AKAP19: variants seen among roughly 807,000 people sequenced by gnomAD.
AKAP19 encodes A-kinase anchoring protein 19, also known as small A-kinase anchoring protein.
At chr2:190,062,690 A>G in the AKAP19 span, 415 of 1,229,828 alleles carry the variant, frequency 3.4e-4, 1 homozygote, top group Non-Finnish European at 4.5e-4. Flanking sequence ...ATTTTAATGC[A>G]TGTACAGTCT....
the AKAP19 span, among the ~76,000 whole-genome samples, chr2:190,050,719 C>G: frequency 6.6e-6 from 1 of 152,162 alleles, no homozygotes; most frequent in Non-Finnish European, 1.5e-5. Context: ...TAGAGCCAGT[C>G]AGTCAGAATC....
the AKAP19 span, among the ~76,000 whole-genome samples, chr2:190,071,259 G>A: frequency 5.9e-5 from 9 of 152,124 alleles, no homozygotes; most frequent in African/African-American, 2.2e-4. Context: ...ACCAGTTTGG[G>A]CAGTATAATG....
At chr2:190,079,328 A>G in the AKAP19 span, 2 of 152,248 alleles carry the variant, frequency 1.3e-5, no homozygotes, top group African/African-American at 4.8e-5. Context: ...GTGGAAAGAG[A>G]GGAATCAGAA....
chr2:189,907,353 TTC>T, the AKAP19 span, among the ~76,000 whole-genome samples: 1 of 152,216 alleles, frequency 6.6e-6, no homozygotes, highest in South Asian at 2.1e-4. Context: ...CTCTTTTCTT[TTC>T]CAGTTGCTAT....
the AKAP19 span, among the ~76,000 whole-genome samples, chr2:190,152,015 CAA>C: frequency 0.18 from 26,219 of 144,594 alleles, 2,568 homozygotes; most frequent in Middle Eastern, 0.3. Flanking sequence ...AAAACAACAA[CAA>C]AAAAAAAAAA....
At chr2:190,070,621 C>G in the AKAP19 span, among the ~76,000 whole-genome samples, 70 of 139,878 alleles carry the variant, frequency 5.0e-4, no homozygotes, top group South Asian at 1.8e-3. Context: ...CTCTCCCCCC[C>G]CCCTTTTTTT....
At chr2:190,095,498 A>G in the AKAP19 span, 1 of 152,106 alleles carries the variant, frequency 6.6e-6, no homozygotes, top group East Asian at 1.9e-4. Flanking sequence ...TCTTTCTACC[A>G]TGTGTGAACA....
At chr2:190,032,046 A>T in the AKAP19 span, among the ~76,000 whole-genome samples, 9 of 152,212 alleles carry the variant, frequency 5.9e-5, no homozygotes, top group Admixed American at 5.9e-4. Flanking sequence ...ATGGATGATT[A>T]TATATGAGAC....
the AKAP19 span, among the ~76,000 whole-genome samples, chr2:189,939,532 A>G: frequency 6.6e-5 from 10 of 152,212 alleles, no homozygotes; most frequent in Admixed American, 3.3e-4. Context: ...GCAGACATAC[A>G]GGAAGCAACA....
At chr2:190,055,206 TTCTCAGCAAACTA>T in the AKAP19 span, among the ~76,000 whole-genome samples, 1 of 151,854 alleles carries the variant, frequency 6.6e-6, no homozygotes, top group African/African-American at 2.4e-5. Flanking sequence ...GAAACCATCA[TTCTCAGCAAACTA>T]TCACAAGGAC....
At chr2:189,930,114 A>ACTTT in the AKAP19 span, among the ~76,000 whole-genome samples, 19 of 152,166 alleles carry the variant, frequency 1.2e-4, no homozygotes, top group Non-Finnish European at 2.2e-4. Flanking sequence ...AATATCATGT[A>ACTTT]CTTTCCCCCA....
chr2:189,960,587 A>C, the AKAP19 span, among the ~76,000 whole-genome samples: 1 of 152,182 alleles, frequency 6.6e-6, no homozygotes, highest in South Asian at 2.1e-4. Context: ...GAGAAGATTC[A>C]TTCTGGCTTT....
At chr2:190,199,418 T>C in the AKAP19 span, among the ~76,000 whole-genome samples, 7 of 144,086 alleles carry the variant, frequency 4.9e-5, no homozygotes, top group Non-Finnish European at 7.4e-5. Flanking sequence ...CTAGCAAAAA[T>C]TGAATTGTTT....
At chr2:190,186,069 A>T in the AKAP19 span, among the ~76,000 whole-genome samples, 2 of 152,088 alleles carry the variant, frequency 1.3e-5, no homozygotes, top group Admixed American at 6.5e-5. The surrounding 1 kb of genome is among the most constrained non-coding windows in gnomAD (Gnocchi z 5.5). Context: ...CTGCTGCCTC[A>T]GCCTCCCTAG....
At chr2:189,904,049 A>T in the AKAP19 span, among the ~76,000 whole-genome samples, 2 of 151,258 alleles carry the variant, frequency 1.3e-5, no homozygotes, top group Admixed American at 1.3e-4. Context: ...TTTAAATGAG[A>T]GTGTTTAAAA....
chr2:190,155,611 C>T, the AKAP19 span, among the ~76,000 whole-genome samples: 70,142 of 151,836 alleles, frequency 0.46, 16,738 homozygotes, highest in Middle Eastern at 0.54. Context: ...GGAAAAGGTA[C>T]TAAGAACTGA....
chr2:190,084,732 T>C, the AKAP19 span, among the ~76,000 whole-genome samples: 1 of 152,108 alleles, frequency 6.6e-6, no homozygotes, highest in African/African-American at 2.4e-5. Context: ...GACACGGGAG[T>C]ACGATAACCT....
the AKAP19 span, among the ~76,000 whole-genome samples, chr2:189,975,366 G>T: frequency 6.6e-6 from 1 of 152,164 alleles, no homozygotes; most frequent in African/African-American, 2.4e-5. Flanking sequence ...AGTCTGATGG[G>T]CTTCCCTTTG....
At chr2:189,990,270 T>C in the AKAP19 span, among the ~76,000 whole-genome samples, 1 of 152,344 alleles carries the variant, frequency 6.6e-6, no homozygotes, top group African/African-American at 2.4e-5. Context: ...GTTTTATAAA[T>C]GCCCTTTATC....
Sources: gnomAD v4.1 joint callset for allele counts (sites outside exome capture counted in the v4.1 genomes callset) on GRCh38, gnomAD v4.1.1 for gene constraint, Gnocchi (gnomAD v3.1) non-coding constraint, MANE v1.5 for transcripts, NCBI Gene and HGNC (gene_info 2026-07-23, HGNC 2026-07-21) for gene names.